The following CHN2 variants were observed in gnomAD, a reference collection of about 807,000 sequenced individuals.
CHN2 encodes chimerin 2, also known as beta-chimaerin.
CHN2 carries 35 observed loss-of-function variants against 56.3 expected under a neutral mutation model. The ratio of observed to expected loss-of-function variants is 0.62; its 90% CI spans 0.47 to 0.82. The LOEUF (loss-of-function observed/expected upper bound fraction) is 0.82, where lower values mean the gene tolerates loss of function less well. CHN2 is among the 40% of genes least tolerant of loss of function. CHN2 has a pLI of 0.00. For synonymous variants in CHN2, 210 were observed against 212.8 expected (o/e 0.99, Z 0.12); for missense variants, 491 against 580.5 (o/e 0.85, Z 1.58).
Position 29,201,878 on chromosome 7 carries a change from A to T in CHN2, c.49+6888A>T, listed in dbSNP as rs11972033. Among the ~76,000 whole-genome samples, 754 of 152,298 alleles carry T rather than the reference A, an allele frequency of 5.0e-3. 8 individuals are homozygous for T. Among genetic ancestry groups the T allele is most frequent in the African/African-American group, 0.017 (720 of 41,568 alleles). ...TGTGCTGTTTAGGTTATCTTTTACTAATTTTGCAAATTGACTTTTTAAAAA... is the reference window on the plus strand; with the variant it reads ...TGTGCTGTTTAGGTTATCTTTTACTTATTTTGCAAATTGACTTTTTAAAAA... On this transcript the variant is annotated intron_variant, in intron 1 of 12. Transcript: ENST00000222792.
intron 1 of CHN2, among the ~76,000 whole-genome samples, chr7:29,247,409 G>T (rs1393543040): frequency 6.6e-6 from 1 of 152,134 alleles, no homozygotes; most frequent in East Asian, 1.9e-4. Flanking sequence ...CAGGGAAGTG[G>T]CTGCCCACAC....
intron 6 of CHN2, among the ~76,000 whole-genome samples, chr7:29,469,064 T>C (rs10257957): frequency 0.69 from 105,187 of 152,006 alleles, 36,763 homozygotes; most frequent in African/African-American, 0.79. Context: ...CCTGGAGTCT[T>C]CTTCATCTCA....
intron 3 of CHN2, among the ~76,000 whole-genome samples, chr7:29,393,034 T>C (rs1273990803): frequency 6.6e-6 from 1 of 152,210 alleles, no homozygotes; most frequent in Non-Finnish European, 1.5e-5. Context: ...TGATCATGTA[T>C]GTGAGAAAAA....
intron 1 of CHN2, among the ~76,000 whole-genome samples, chr7:29,225,708 A>T (rs1329820966): frequency 2.0e-5 from 3 of 152,174 alleles, no homozygotes; most frequent in Non-Finnish European, 4.4e-5. Flanking sequence ...AGGTGCAAGG[A>T]GACTGGAGCT....
At chr7:29,407,354 A>T (rs1278596258) in intron 6 of CHN2, among the ~76,000 whole-genome samples, 1 of 151,866 alleles carries the variant, frequency 6.6e-6, no homozygotes, top group East Asian at 1.9e-4. Context: ...GGGGGTGGAG[A>T]GGCTTGGTGA....
intron 3 of CHN2, among the ~76,000 whole-genome samples, chr7:29,370,968 A>AC (rs1368755911): frequency 6.6e-6 from 1 of 152,190 alleles, no homozygotes; most frequent in Non-Finnish European, 1.5e-5. Context: ...GCTACCTAAC[A>AC]CAGAGCCAAC....
chr7:29,160,050 A>G (rs1425819757), intron 2 of CHN2, among the ~76,000 whole-genome samples: 1 of 152,158 alleles, frequency 6.6e-6, no homozygotes, highest in African/African-American at 2.4e-5. Flanking sequence ...CTTCATTATT[A>G]TCTTGCCTCA....
intron 1 of CHN2, among the ~76,000 whole-genome samples, chr7:29,233,895 G>A (rs905435896): frequency 3.1e-5 from 4 of 127,264 alleles, no homozygotes; most frequent in Admixed American, 9.2e-5. Context: ...GTGCAGTGGC[G>A]GGATCTCGGC....
chr7:29,194,765 C>T, upstream of CHN2: 1 of 473,032 alleles, frequency 2.1e-6, no homozygotes, highest in Non-Finnish European at 3.5e-6. Flanking sequence ...GCGGCGGCAG[C>T]GCGTCATCTG....
At chr7:29,476,560 TTA>T (rs1491444424) in intron 6 of CHN2, among the ~76,000 whole-genome samples, 13 of 49,736 alleles carry the variant, frequency 2.6e-4, no homozygotes, top group Middle Eastern at 0.013. Flanking sequence ...CCAATAAAAA[TTA>T]AAAAAAAAAA....
At chr7:29,463,489 C>G (rs146750453) in intron 6 of CHN2, among the ~76,000 whole-genome samples, 32 of 152,252 alleles carry the variant, frequency 2.1e-4, no homozygotes, top group Non-Finnish European at 4.3e-4. Flanking sequence ...TTTACCAGAG[C>G]GCAACAGTTT....
chr7:29,421,180 A>G (rs774458925), intron 6 of CHN2, among the ~76,000 whole-genome samples: 5 of 152,332 alleles, frequency 3.3e-5, no homozygotes, highest in East Asian at 1.9e-4. Flanking sequence ...TGTACTTTCA[A>G]TGAAGGTCAA....
Position 29,510,947 on chromosome 7 carries a change from T to C in CHN2, c.1235+1541T>C, listed in dbSNP as rs897049974. 2.4e-4 allele frequency among the ~76,000 whole-genome samples: 3 copies of C among 12,660 alleles called. No homozygotes were observed. In the East Asian group the frequency reaches 0.3, roughly 1,266 times the overall value. 8.3% of individuals were successfully genotyped at this position (12,660 alleles called of 152,430 possible). On this transcript the variant is annotated intron_variant, in intron 12 of 12. Coordinates refer to ENST00000222792, the MANE Select transcript of CHN2 (RefSeq NM_004067.4). ...CTGGTGACACTATTCTCCCTAAACCTTGTGTCTCTCTCTTTCACTGCACAT... is the reference window on the plus strand; with the variant it reads ...CTGGTGACACTATTCTCCCTAAACCCTGTGTCTCTCTCTTTCACTGCACAT...
chr7:29,300,675 C>A (rs1793593771), intron 1 of CHN2, among the ~76,000 whole-genome samples: 1 of 152,096 alleles, frequency 6.6e-6, no homozygotes, highest in South Asian at 2.1e-4. Context: ...TCAAAAAACA[C>A]CAAAACATGA....
chr7:29,405,164 T>TACACACACAC (rs57823678), intron 6 of CHN2, among the ~76,000 whole-genome samples: 8,212 of 104,980 alleles, frequency 0.078, 1,473 homozygotes, highest in East Asian at 0.1. Flanking sequence ...TATGTCACCA[T>TACACACACAC]ACACACACAC....
chr7:29,189,814 A>G (rs1161167516), upstream of CHN2, among the ~76,000 whole-genome samples: 4 of 152,234 alleles, frequency 2.6e-5, no homozygotes, highest in African/African-American at 9.6e-5. Context: ...AGGATACTCC[A>G]GGCAATACCC....
At chr7:29,180,403 T>A (rs1486997353) in intron 2 of CHN2, among the ~76,000 whole-genome samples, 1 of 152,082 alleles carries the variant, frequency 6.6e-6, no homozygotes, top group Non-Finnish European at 1.5e-5. Flanking sequence ...GGCACATGCC[T>A]GTAGTCCCAG....
chr7:29,178,051 C>A (rs187803396), intron 2 of CHN2, among the ~76,000 whole-genome samples: 1 of 152,138 alleles, frequency 6.6e-6, no homozygotes, highest in Non-Finnish European at 1.5e-5. Context: ...TTATCTCATG[C>A]CTCACATTCC....
chr7:29,344,673 G>T (rs12666422), intron 1 of CHN2, among the ~76,000 whole-genome samples: 10,210 of 152,090 alleles, frequency 0.067, 487 homozygotes, highest in East Asian at 0.19. Flanking sequence ...TGGGCTCCAC[G>T]TGCTGTGGTA....
Sources: allele counts gnomAD v4.1 joint callset (sites outside exome capture counted in the v4.1 genomes callset), GRCh38; gene constraint gnomAD v4.1.1; transcripts MANE v1.5; gene names NCBI Gene and HGNC (gene_info 2026-07-23, HGNC 2026-07-21).